Variants in GRID2 observed in about 807,000 individuals in gnomAD.
GRID2 encodes glutamate receptor ionotropic, delta-2.
Under a neutral mutation model 114.8 loss-of-function variants are expected in GRID2, and 33 were observed. The observed-to-expected ratio is 0.29, with a 90% confidence interval of 0.22 to 0.38. GRID2 has a LOEUF of 0.38. GRID2 is among the 10% of genes least tolerant of loss of function. The pLI is 1.00. For synonymous variants in GRID2, 505 were observed against 449.9 expected, an observed-to-expected ratio of 1.12 and a Z score of -1.55; for missense variants, 1,184 against 1,257.7, an observed-to-expected ratio of 0.94 and a Z score of 0.89.
rs573794290 is a variant in GRID2 at position 92,726,981 on chromosome 4, C to A, written c.244+136695C>A. Among the ~76,000 whole-genome samples the A allele has an allele frequency of 3.3e-4, 50 of 152,160 alleles. No homozygotes were observed. In the South Asian group the frequency reaches 0.01, roughly 32 times the overall value. ...AAAAAATGAAAGAAATTAGCATCACCTTTGGTAACTAAGGGTTTCTTTCCT... is the reference window on the plus strand; with the variant it reads ...AAAAAATGAAAGAAATTAGCATCACATTTGGTAACTAAGGGTTTCTTTCCT... On this transcript the variant is annotated intron_variant, in intron 2 of 15. Coordinates refer to ENST00000282020, the MANE Select transcript of GRID2 (RefSeq NM_001510.4).
At chr4:93,680,944 A>C (rs1578554817) in intron 14 of GRID2, among the ~76,000 whole-genome samples, 1 of 151,410 alleles carries the variant, frequency 6.6e-6, no homozygotes, top group African/African-American at 2.4e-5. Flanking sequence ...ATTAGGCAGG[A>C]GAAGGAAATA....
intron 4 of GRID2, among the ~76,000 whole-genome samples, chr4:93,141,162 A>G (rs1445298408): frequency 6.6e-6 from 1 of 151,966 alleles, no homozygotes; most frequent in East Asian, 1.9e-4. Context: ...TTGTAGTTCT[A>G]TTTATTTTGT....
At chr4:92,831,542 G>T (rs1016705459) in intron 2 of GRID2, among the ~76,000 whole-genome samples, 1 of 150,866 alleles carries the variant, frequency 6.6e-6, no homozygotes, top group African/African-American at 2.4e-5. Flanking sequence ...TTAACTGGCA[G>T]AAAGCTTATT....
At chr4:93,355,381 T>C (rs1579795404) in intron 8 of GRID2, among the ~76,000 whole-genome samples, 1 of 152,030 alleles carries the variant, frequency 6.6e-6, no homozygotes, top group African/African-American at 2.4e-5. Flanking sequence ...ATACTGAATG[T>C]TGACTGGGGG....
At chr4:93,164,488 T>G (rs1738061783) in intron 4 of GRID2, among the ~76,000 whole-genome samples, 2 of 152,104 alleles carry the variant, frequency 1.3e-5, no homozygotes, top group African/African-American at 4.8e-5. Flanking sequence ...ATGCAGTTAT[T>G]TTAAATTTAG....
intron 13 of GRID2, among the ~76,000 whole-genome samples, chr4:93,615,443 A>G (rs1741520989): frequency 6.6e-6 from 1 of 152,200 alleles, no homozygotes; most frequent in South Asian, 2.1e-4. Flanking sequence ...TAGTAAAGAA[A>G]TAGAGAAAGT....
chr4:92,912,327 A>C (rs1253151888), intron 2 of GRID2, among the ~76,000 whole-genome samples: 5 of 151,844 alleles, frequency 3.3e-5, no homozygotes, highest in Non-Finnish European at 7.4e-5. Context: ...TCTGAAAGTG[A>C]AAAATAGATC....
chr4:93,411,392 C>T (rs1579992820), intron 9 of GRID2, among the ~76,000 whole-genome samples: 1 of 151,900 alleles, frequency 6.6e-6, no homozygotes, highest in South Asian at 2.1e-4. Flanking sequence ...ATTTTCTTCC[C>T]ATTTAGCAAT....
chr4:92,724,874 T>C lies in GRID2; in HGVS notation c.244+134588T>C, dbSNP rs904118191. On this transcript the variant is annotated intron_variant, in intron 2 of 15. Transcript: ENST00000282020. ...TAGAATGAAATTTTAAAATAAGTTATAGAATTTGAAGAACAAAGTTTTAAA... is the reference window on the plus strand; with the variant it reads ...TAGAATGAAATTTTAAAATAAGTTACAGAATTTGAAGAACAAAGTTTTAAA... 7.2e-5 allele frequency among the ~76,000 whole-genome samples: 11 copies of C among 152,322 alleles called. No individual in the cohort carries two copies. The East Asian group carries it at 7.7e-4, about 11-fold the overall frequency.
intron 14 of GRID2, among the ~76,000 whole-genome samples, chr4:93,660,371 TC>T (rs1271823782): frequency 2.6e-5 from 4 of 152,058 alleles, no homozygotes; most frequent in African/African-American, 9.7e-5. Context: ...GTGCTTGAAG[TC>T]AGAAAAAGGA....
At chr4:93,728,652 T>G (rs575651026) in intron 14 of GRID2, among the ~76,000 whole-genome samples, 20 of 152,206 alleles carry the variant, frequency 1.3e-4, no homozygotes, top group Non-Finnish European at 2.6e-4. Flanking sequence ...AGGACTTGCT[T>G]TATGAATCTG....
chr4:93,273,856 A>T (rs1751768111), intron 8 of GRID2, among the ~76,000 whole-genome samples: 3 of 152,138 alleles, frequency 2.0e-5, no homozygotes. Context: ...CAACAATTGC[A>T]ATTATCAAAA....
intron 8 of GRID2, among the ~76,000 whole-genome samples, chr4:93,238,869 A>C (rs529628553): frequency 6.6e-6 from 1 of 151,652 alleles, no homozygotes; most frequent in African/African-American, 2.4e-5. Context: ...GATAAATTTC[A>C]TATAGTAAGA....
At chr4:93,360,356 A>C (rs1761773203) in intron 8 of GRID2, among the ~76,000 whole-genome samples, 1 of 151,922 alleles carries the variant, frequency 6.6e-6, no homozygotes, top group Non-Finnish European at 1.5e-5. Flanking sequence ...TGGAATACTT[A>C]GTTCATTTAT....
At chr4:92,477,112 T>C (rs1016611384) in intron 1 of GRID2, among the ~76,000 whole-genome samples, 1 of 149,746 alleles carries the variant, frequency 6.7e-6, no homozygotes, top group African/African-American at 2.4e-5. Context: ...CTTAGTATTG[T>C]TAGACTATGA....
chr4:92,419,061 C>A (rs1731761583), intron 1 of GRID2, among the ~76,000 whole-genome samples: 1 of 152,062 alleles, frequency 6.6e-6, no homozygotes. Context: ...TAATTTGCCT[C>A]TGCTATAGTG....
intron 8 of GRID2, among the ~76,000 whole-genome samples, chr4:93,291,827 CATG>C (rs1175087935): frequency 4.0e-5 from 6 of 151,850 alleles, no homozygotes; most frequent in African/African-American, 1.2e-4. Flanking sequence ...ATTATGTAAA[CATG>C]ATGTTTTGAA....
intron 2 of GRID2, among the ~76,000 whole-genome samples, chr4:92,716,883 C>G (rs537940177): frequency 6.6e-6 from 1 of 152,050 alleles, no homozygotes; most frequent in Non-Finnish European, 1.5e-5. Context: ...TTTTGATTTT[C>G]GATTCTGACC....
intron 15 of GRID2, among the ~76,000 whole-genome samples, chr4:93,771,412 G>A (rs750948346): frequency 6.6e-6 from 1 of 152,100 alleles, no homozygotes; most frequent in Non-Finnish European, 1.5e-5. Context: ...GACTTGAAGG[G>A]GTCCCTAAAT....
Sources: gnomAD v4.1 joint callset for allele counts (sites outside exome capture counted in the v4.1 genomes callset) on GRCh38, gnomAD v4.1.1 for gene constraint, MANE v1.5 for transcripts, NCBI Gene and HGNC (gene_info 2026-07-23, HGNC 2026-07-21) for gene names.